Variants in TCERG1L observed in about 807,000 individuals in gnomAD.
TCERG1L encodes transcription elongation regulator 1 like.
A neutral mutation model predicts 56.3 loss-of-function variants in TCERG1L; 37 were observed. The observed-to-expected ratio is 0.66, with a 90% CI of 0.51 to 0.87. The LOEUF (loss-of-function observed/expected upper bound fraction) is 0.87, where lower values mean the gene tolerates loss of function less well. TCERG1L is among the 40% of genes least tolerant of loss of function. The pLI is 0.00. For synonymous variants in TCERG1L, 324 were observed against 326.3 expected, an observed-to-expected ratio of 0.99 and a Z score of 0.08; for missense variants, 799 against 774.2, an observed-to-expected ratio of 1.03 and a Z score of -0.38.
chr10:131,097,596 C>T (rs1474468565), intron 11 of TCERG1L, among the ~76,000 whole-genome samples: 1 of 152,196 alleles, frequency 6.6e-6, no homozygotes, highest in Non-Finnish European at 1.5e-5. Context: ...ATCCACCTGC[C>T]TTGGTCTCCC....
At chr10:131,134,293 A>G in intron 8 of TCERG1L, 86 bp downstream of exon 8, 11 of 1,211,584 alleles carry the variant, frequency 9.1e-6, no homozygotes, top group Admixed American at 2.0e-5. Context: ...CTCATAGTCA[A>G]TGTGGTCAAA....
At chr10:131,164,729 A>G (rs1846013381) in intron 5 of TCERG1L, among the ~76,000 whole-genome samples, 1 of 152,240 alleles carries the variant, frequency 6.6e-6, no homozygotes, top group Non-Finnish European at 1.5e-5. Flanking sequence ...CATTAAAAAA[A>G]TTGAAAGTCA....
At chr10:131,216,184 T>C (rs1845667173) in intron 4 of TCERG1L, among the ~76,000 whole-genome samples, 1 of 152,138 alleles carries the variant, frequency 6.6e-6, no homozygotes, top group South Asian at 2.1e-4. Context: ...TCTGCCCTTG[T>C]TGGAGATGGA....
chr10:131,177,869 G>A (rs11591783), intron 4 of TCERG1L, among the ~76,000 whole-genome samples: 33,705 of 149,608 alleles, frequency 0.23, 4,077 homozygotes, highest in Middle Eastern at 0.28. Context: ...GCTTCTTCCC[G>A]TCTCGATCTC....
At chr10:131,151,373 T>C in intron 6 of TCERG1L, among the ~76,000 whole-genome samples, 1 of 149,678 alleles carries the variant, frequency 6.7e-6, no homozygotes, top group East Asian at 2.0e-4. Context: ...TGGGAGAAAT[T>C]GGCCAAAACA....
In TCERG1L at chr10:131,311,520, CA is replaced by C; in HGVS notation, c.115del (p.Trp39GlyfsTer86). 1 of 1,199,554 alleles carries C rather than the reference CA, an allele frequency of 8.3e-7. No individual in the cohort carries two copies. The highest frequency in any genetic ancestry group is 1.0e-6 in the Non-Finnish European group (1 of 964,884). 74.3% of individuals were successfully genotyped at this position (1,199,554 alleles called of 1,614,324 possible). On this transcript the variant is annotated frameshift_variant, in exon 1 of 12. Coordinates refer to ENST00000368642, the MANE Select transcript of TCERG1L (RefSeq NM_174937.4). LOFTEE classifies it high-confidence loss of function. This position sits in a 1 kb window ranked among gnomAD's most constrained non-coding sequence, Gnocchi z 4.0. ...GGCCGAGCCCGGCACCATCCAGACC[CA>C]GGGCGGCGGCGGCGGCGGCTCTGCG... ...MDAEPPPPPPWVWMVPGSAGL... is the reference protein window; with the variant it reads ...MDAEPPPPPPXVWMVPGSAGL...
At chr10:131,124,052 A>G (rs1472239405) in intron 8 of TCERG1L, among the ~76,000 whole-genome samples, 1 of 152,120 alleles carries the variant, frequency 6.6e-6, no homozygotes, top group Non-Finnish European at 1.5e-5. Flanking sequence ...AGTGGGGGAC[A>G]CTTTTCTGTC....
At chr10:131,189,883 C>T (rs1317093316) in intron 4 of TCERG1L, among the ~76,000 whole-genome samples, 1 of 151,928 alleles carries the variant, frequency 6.6e-6, no homozygotes, top group East Asian at 1.9e-4. Flanking sequence ...GAAACAAGAA[C>T]AAACTAAACC....
intron 6 of TCERG1L, chr10:131,156,032 G>A (rs1466630403): frequency 2.0e-5 from 3 of 152,210 alleles, no homozygotes; most frequent in African/African-American, 4.8e-5. Context: ...AAAGAAGACC[G>A]ATGCGTCCTC....
chr10:131,106,976 G>A (rs887791091), intron 9 of TCERG1L, among the ~76,000 whole-genome samples: 2 of 152,170 alleles, frequency 1.3e-5, no homozygotes, highest in Admixed American at 1.3e-4. Context: ...ACCCGGTGAA[G>A]CATAGCTGGG....
chr10:131,115,206 A>G (rs1845444943), intron 9 of TCERG1L, among the ~76,000 whole-genome samples: 1 of 152,252 alleles, frequency 6.6e-6, no homozygotes, highest in Non-Finnish European at 1.5e-5. Context: ...ACATCAGGCC[A>G]TCCACCAGGA....
intron 4 of TCERG1L, among the ~76,000 whole-genome samples, chr10:131,216,389 C>G: frequency 6.6e-6 from 1 of 152,278 alleles, no homozygotes; most frequent in African/African-American, 2.4e-5. Context: ...AACTGCCTGC[C>G]CTTTTCGCTA....
At chr10:131,128,457 A>G (rs139705488) in intron 8 of TCERG1L, among the ~76,000 whole-genome samples, 2 of 152,328 alleles carry the variant, frequency 1.3e-5, no homozygotes, top group Admixed American at 6.5e-5. Context: ...CGAACCAAGA[A>G]TCACCAAGAT....
intron 6 of TCERG1L, among the ~76,000 whole-genome samples, chr10:131,153,604 T>C (rs1845888416): frequency 6.6e-6 from 1 of 152,154 alleles, no homozygotes; most frequent in Admixed American, 6.5e-5. Context: ...TTCAGCCAAA[T>C]TTTCCCCAGA....
intron 3 of TCERG1L, among the ~76,000 whole-genome samples, chr10:131,301,836 C>T (rs1282014271): frequency 6.6e-6 from 1 of 152,020 alleles, no homozygotes; most frequent in Non-Finnish European, 1.5e-5. Flanking sequence ...GTAACAATTA[C>T]AGATAAATAT....
chr10:131,207,669 C>T (rs914606000), intron 4 of TCERG1L, among the ~76,000 whole-genome samples: 1 of 152,150 alleles, frequency 6.6e-6, no homozygotes, highest in African/African-American at 2.4e-5. Flanking sequence ...GAGATGTGTC[C>T]GCTTCCTGTG....
chr10:131,244,701 G>A (rs1050776342), intron 4 of TCERG1L, among the ~76,000 whole-genome samples: 1 of 152,204 alleles, frequency 6.6e-6, no homozygotes. Context: ...AATTGGGGAG[G>A]GCTTCCAGAG....
At chr10:131,200,142 C>T (rs558411814) in intron 4 of TCERG1L, among the ~76,000 whole-genome samples, 2 of 152,326 alleles carry the variant, frequency 1.3e-5, no homozygotes, top group East Asian at 3.9e-4. Flanking sequence ...TGAAACGATT[C>T]CAGCCTCTGC....
chr10:131,239,322 G>A (rs1845947103), intron 4 of TCERG1L, among the ~76,000 whole-genome samples: 1 of 152,214 alleles, frequency 6.6e-6, no homozygotes, highest in East Asian at 1.9e-4. Flanking sequence ...AAAAGAGCCT[G>A]CTGCAGAAGA....
Sources: gnomAD v4.1 joint callset for allele counts (sites outside exome capture counted in the v4.1 genomes callset) on GRCh38, gnomAD v4.1.1 for gene constraint, Gnocchi (gnomAD v3.1) non-coding constraint, MANE v1.5 for transcripts, NCBI Gene and HGNC (gene_info 2026-07-23, HGNC 2026-07-21) for gene names.